CFH: variants seen among roughly 807,000 people sequenced by gnomAD.
CFH encodes H factor 1 (complement).
A neutral mutation model predicts 147.3 loss-of-function variants in CFH; 53 were observed. The observed-to-expected ratio is 0.36, with a 90% CI of 0.29 to 0.45. CFH has a LOEUF of 0.45. Among genes scored for constraint, CFH ranks in the 20% least tolerant of loss-of-function variants. The pLI is 1.00. For synonymous variants in CFH, 536 were observed against 489.4 expected, an observed-to-expected ratio of 1.10 and a Z score of -1.26; for missense variants, 1,380 against 1,498.0, an observed-to-expected ratio of 0.92 and a Z score of 1.30.
intron 7 of CFH, among the ~76,000 whole-genome samples, chr1:196,688,812 C>T (rs1375657161): frequency 2.0e-5 from 3 of 152,056 alleles, no homozygotes. Flanking sequence ...CGGAGTATCA[C>T]CATGTTGGCC....
chr1:196,733,779 C>T (rs192435531), intron 15 of CFH, among the ~76,000 whole-genome samples: 4 of 152,168 alleles, frequency 2.6e-5, no homozygotes, highest in Admixed American at 1.3e-4. Context: ...CTGGATGTAT[C>T]ACTGGGGTGA....
At chr1:196,681,226 CA>C (rs1361129684) in intron 6 of CFH, among the ~76,000 whole-genome samples, 1 of 151,818 alleles carries the variant, frequency 6.6e-6, no homozygotes, top group African/African-American at 2.4e-5. Context: ...AATAAACCAT[CA>C]TTCCAGCTTT....
At chr1:196,688,047 A>G (rs1667887028) in intron 7 of CFH, among the ~76,000 whole-genome samples, 1 of 151,884 alleles carries the variant, frequency 6.6e-6, no homozygotes, top group Non-Finnish European at 1.5e-5. Context: ...TTTAAGAAAG[A>G]TGGAGATGTA....
chr1:196,739,329 T>C (rs1339742239), intron 17 of CFH, among the ~76,000 whole-genome samples: 1 of 152,244 alleles, frequency 6.6e-6, no homozygotes, highest in Admixed American at 6.5e-5. Flanking sequence ...AAATGAAGTT[T>C]TATTTTCTAT....
chr1:196,729,365 T>C (rs1173134285), intron 15 of CFH, among the ~76,000 whole-genome samples: 1 of 152,126 alleles, frequency 6.6e-6, no homozygotes, highest in Non-Finnish European at 1.5e-5. Context: ...ATAGTTATCG[T>C]CCTTTCTGTT....
chr1:196,693,744 A>G (rs1668148546), intron 9 of CFH, among the ~76,000 whole-genome samples: 1 of 152,134 alleles, frequency 6.6e-6, no homozygotes, highest in African/African-American at 2.4e-5. Flanking sequence ...ATTTCATCAC[A>G]CTACCCAGAA....
chr1:196,705,518 G>C (rs755685694), intron 9 of CFH, among the ~76,000 whole-genome samples: 2 of 152,174 alleles, frequency 1.3e-5, no homozygotes, highest in Non-Finnish European at 2.9e-5. Flanking sequence ...TAACCATTAA[G>C]TAAAAATTAC....
chr1:196,703,713 G>A lies in CFH; in HGVS notation c.1337-10022G>A, dbSNP rs190332791. 3.1e-3 allele frequency among the ~76,000 whole-genome samples: 476 copies of A among 152,010 alleles called. 6 individuals are homozygous for A. The highest frequency in any genetic ancestry group is 0.011 in the African/African-American group (438 of 41,492). On this transcript the variant is annotated intron_variant, in intron 9 of 21. Transcript: ENST00000367429. The stretch of plus-strand genomic sequence containing the variant: ...TAAAGCACAGTTTTTTGCTGGGCGC[G>A]GTGGCTCACTCCTGTAATGCCAGCA...
At chr1:196,693,883 T>A (rs1668153629) in intron 9 of CFH, among the ~76,000 whole-genome samples, 1 of 152,070 alleles carries the variant, frequency 6.6e-6, no homozygotes, top group Non-Finnish European at 1.5e-5. Context: ...AAAATATTCA[T>A]CTGCAGTTTT....
intron 1 of CFH, among the ~76,000 whole-genome samples, chr1:196,667,032 G>C (rs552439191): frequency 6.6e-6 from 1 of 152,002 alleles, no homozygotes; most frequent in East Asian, 1.9e-4. Flanking sequence ...CTTATATCTT[G>C]TATATCCTTA....
intron 20 of CFH, 121 bp downstream of exon 20, chr1:196,743,749 T>C (rs961152411): frequency 2.1e-6 from 3 of 1,404,324 alleles, no homozygotes; most frequent in African/African-American, 1.4e-5. Flanking sequence ...AAATGACTGA[T>C]GGTGCTTAAA....
chr1:196,716,104 T>C (rs1668864823), intron 11 of CFH, among the ~76,000 whole-genome samples: 1 of 152,158 alleles, frequency 6.6e-6, no homozygotes, highest in Non-Finnish European at 1.5e-5. Flanking sequence ...TAATTTGTTT[T>C]TTTAATTTCT....
At chr1:196,704,360 G>T (rs1312479956) in intron 9 of CFH, among the ~76,000 whole-genome samples, 2 of 152,156 alleles carry the variant, frequency 1.3e-5, no homozygotes, top group Non-Finnish European at 2.9e-5. Flanking sequence ...CTCCCAAAGT[G>T]CTGGGAGCTG....
chr1:196,736,670 ATAAT>A lies in CFH; in HGVS notation c.2414-149_2414-146del, dbSNP rs1184884260. Among the ~76,000 whole-genome samples, 6 of 151,956 alleles carry A rather than the reference ATAAT, an allele frequency of 3.9e-5. No individual in the cohort carries two copies. In the East Asian group the frequency reaches 5.8e-4, roughly 15 times the overall value. On this transcript the variant is annotated intron_variant, in intron 15 of 21. Transcript: ENST00000367429. ...TATAATATTTGCATACAAAAACATC[ATAAT>A]TAATATGTGATAATTTATGAAACAG... is the stretch of plus-strand genomic sequence containing the variant.
intron 14 of CFH, among the ~76,000 whole-genome samples, chr1:196,727,634 A>T (rs1279841283): frequency 1.3e-5 from 2 of 152,168 alleles, no homozygotes; most frequent in African/African-American, 4.8e-5. Flanking sequence ...AGAAGCAAAG[A>T]AACAAAGTTG....
Position 196,660,840 on chromosome 1 carries a change from A to C in CFH, c.58+8665A>C, listed in dbSNP as rs141992944. Among the ~76,000 whole-genome samples, 47 of 152,334 alleles carry C rather than the reference A, an allele frequency of 3.1e-4. No homozygotes were observed. In the East Asian group the frequency reaches 8.5e-3, roughly 28 times the overall value. On this transcript the variant is annotated intron_variant, in intron 1 of 21. Transcript: ENST00000367429. ...CTGGTTGTTAAAAGCAATGAACTAT[A>C]TTTGGAAATCAAGAATTAGGGGCAC...
intron 15 of CFH, among the ~76,000 whole-genome samples, chr1:196,735,550 A>T (rs796765307): frequency 2.0e-4 from 30 of 152,148 alleles, no homozygotes; most frequent in African/African-American, 7.0e-4. Flanking sequence ...ATTAAAATCA[A>T]TGGGATACAG....
chr1:196,656,811 A>G (rs1037485196), intron 1 of CFH, among the ~76,000 whole-genome samples: 2 of 152,096 alleles, frequency 1.3e-5, no homozygotes, highest in African/African-American at 4.8e-5. Context: ...ACATTTCAAG[A>G]AAGTTGTGGA....
At chr1:196,723,114 G>C (rs538644171) in intron 11 of CFH, among the ~76,000 whole-genome samples, 3 of 152,082 alleles carry the variant, frequency 2.0e-5, no homozygotes, top group African/African-American at 7.2e-5. Flanking sequence ...AAGAGTTAGT[G>C]TGATCCTTTG....
Sources: allele counts gnomAD v4.1 joint callset (sites outside exome capture counted in the v4.1 genomes callset), GRCh38; gene constraint gnomAD v4.1.1; transcripts MANE v1.5; gene names NCBI Gene and HGNC (gene_info 2026-07-23, HGNC 2026-07-21).